Variants in ATXN3 observed in about 807,000 individuals in gnomAD.
ATXN3 encodes the protein ataxin 3, also known as ataxin-3.
Under a neutral mutation model 58.2 loss-of-function variants are expected in ATXN3, and 28 were observed. That is an observed-to-expected ratio of 0.48 (90% CI 0.36 to 0.66). The LOEUF is 0.66. Among genes scored for constraint, ATXN3 ranks in the 30% least tolerant of loss-of-function variants. ATXN3 has a pLI of 0.00. For missense variants in ATXN3, 321 were observed against 422.1 expected, an observed-to-expected ratio of 0.76 and a Z score of 2.10; for synonymous variants, 113 against 138.5, an observed-to-expected ratio of 0.82 and a Z score of 1.29.
At chr14:92,055,535 GC>G (rs1301630928), downstream of ATXN3, among the ~76,000 whole-genome samples, 2 of 152,028 alleles carry the variant, frequency 1.3e-5, no homozygotes, top group African/African-American at 4.8e-5. This position sits in a 1 kb window ranked among gnomAD's most constrained non-coding sequence, Gnocchi z 4.5. Flanking sequence ...CCATCCCCCG[GC>G]AACCACCATT....
chr14:92,087,303 T>C (rs56027550), intron 6 of ATXN3, among the ~76,000 whole-genome samples: 185 of 152,290 alleles, frequency 1.2e-3, no homozygotes, highest in African/African-American at 3.6e-3. Flanking sequence ...AGTAAAACCT[T>C]AGCTAGGTGT....
chr14:92,088,669 T>A, intron 6 of ATXN3, 61 bp downstream of exon 6: 1 of 1,175,496 alleles, frequency 8.5e-7, no homozygotes, highest in East Asian at 2.3e-5. Context: ...TGTCATCTAA[T>A]GTGCCTGGTT....
Position 92,062,811 on chromosome 14 carries a change from T to C in ATXN3, c.*1509A>G, listed in dbSNP as rs908856328. ...TTTTCAGTTAGTTAGCAATAAATCC[T>C]AGATCAAAAAACTTTCCCTGATAAA... On this transcript the variant is annotated 3_prime_UTR_variant, in exon 11 of 11. Transcript: ENST00000644486. 6.6e-6 allele frequency: 1 copy of C among 152,608 alleles called. No homozygotes were observed. Among genetic ancestry groups the C allele is most frequent in the Non-Finnish European group, 1.5e-5 (1 of 68,030 alleles). 9.5% of individuals were successfully genotyped at this position (152,608 alleles called of 1,614,324 possible).
intron 3 of ATXN3, among the ~76,000 whole-genome samples, chr14:92,094,136 T>C (rs577266060): frequency 6.6e-6 from 1 of 152,168 alleles, no homozygotes; most frequent in South Asian, 2.1e-4. Context: ...GAGACAGGGT[T>C]TCACCTTGTT....
At chr14:92,071,903 A>C (rs1340305060) in intron 9 of ATXN3, among the ~76,000 whole-genome samples, 1 of 152,132 alleles carries the variant, frequency 6.6e-6, no homozygotes, top group East Asian at 1.9e-4. Context: ...TCTCAGCATA[A>C]ACTTATCATC....
intron 10 of ATXN3, 120 bp downstream of exon 10, chr14:92,070,814 TA>T (rs761352592): frequency 1.3e-5 from 21 of 1,571,112 alleles, no homozygotes; most frequent in Non-Finnish European, 1.6e-5. Context: ...CAAATTTACT[TA>T]AGATTCTTAA....
chr14:92,073,969 C>A (rs2059896595), intron 9 of ATXN3, among the ~76,000 whole-genome samples: 1 of 144,010 alleles, frequency 6.9e-6, no homozygotes, highest in South Asian at 2.2e-4. Context: ...GCCAAGATTG[C>A]ACCACTGCAC....
rs141713202 is a variant in ATXN3, at chr14:92,097,204, C to T, written c.25-366G>A. 6.3e-3 allele frequency among the ~76,000 whole-genome samples: 939 copies of T among 149,422 alleles called. 14 individuals are homozygous for T. The highest frequency in any genetic ancestry group is 0.021 in the African/African-American group (866 of 40,504). The stretch of plus-strand genomic sequence containing the variant: ...GATTACAGGCGTGAGCCACTGCGCC[C>T]GGCTCCCCTAAATAATTTAATCATT... On this transcript the variant is annotated intron_variant, in intron 1 of 10. Transcript: ENST00000644486.
intron 8 of ATXN3, among the ~76,000 whole-genome samples, chr14:92,081,591 C>CA (rs763078352): frequency 4.0e-5 from 6 of 151,268 alleles, no homozygotes; most frequent in East Asian, 3.9e-4. Context: ...ATGGAGTACT[C>CA]AGAGGCATGC....
intron 9 of ATXN3, 172 bp downstream of exon 9, chr14:92,080,793 C>T (rs1221377914): frequency 4.8e-6 from 3 of 626,136 alleles, no homozygotes; most frequent in South Asian, 1.5e-5. Flanking sequence ...GCCTTGGCCT[C>T]CCAAACTGCT....
intron 9 of ATXN3, among the ~76,000 whole-genome samples, chr14:92,080,006 G>C (rs1437529562): frequency 6.6e-6 from 1 of 151,860 alleles, no homozygotes; most frequent in Admixed American, 6.6e-5. Context: ...CTAAAATGGT[G>C]GGATTACAGA....
chr14:92,054,348 T>C (rs552726806), downstream of ATXN3, among the ~76,000 whole-genome samples: 2 of 152,188 alleles, frequency 1.3e-5, no homozygotes, highest in South Asian at 4.1e-4. Context: ...CAACACAAAA[T>C]ACAGGTCATA....
At chr14:92,082,686 T>C (rs1447522317) in intron 7 of ATXN3, among the ~76,000 whole-genome samples, 2 of 148,014 alleles carry the variant, frequency 1.4e-5, no homozygotes, top group Non-Finnish European at 3.0e-5. Flanking sequence ...TCTGACTCTC[T>C]CGACCAGGCT....
chr14:92,069,643 A>T (rs560384740), intron 10 of ATXN3, among the ~76,000 whole-genome samples: 5 of 152,310 alleles, frequency 3.3e-5, no homozygotes, highest in Admixed American at 1.3e-4. Context: ...AAGTGCTGGG[A>T]TTATAGGCAT....
intron 1 of ATXN3, among the ~76,000 whole-genome samples, chr14:92,101,036 A>G (rs1167225864): frequency 1.2e-5 from 1 of 82,568 alleles, no homozygotes; most frequent in African/African-American, 4.4e-5. Flanking sequence ...TATAAAAAAT[A>G]GCTTTAAATT....
At chr14:92,089,323 C>T (rs10151932) in intron 5 of ATXN3, among the ~76,000 whole-genome samples, 40,692 of 140,880 alleles carry the variant, frequency 0.29, 6,148 homozygotes, top group East Asian at 0.45. Context: ...CTGGCCTCTG[C>T]TAAATACTCT....
At chr14:92,071,198 C>A in intron 9 of ATXN3, 145 bp from the exon 10 acceptor site, 1 of 1,236,532 alleles carries the variant, frequency 8.1e-7, no homozygotes. Context: ...AGCAGTTAGT[C>A]TGATACAGAT....
upstream of ATXN3, among the ~76,000 whole-genome samples, chr14:92,051,270 C>T (rs1009900957): frequency 6.6e-6 from 1 of 152,096 alleles, no homozygotes; most frequent in African/African-American, 2.4e-5. Context: ...ATTTTTCTAC[C>T]TTTTGTTCTT....
intron 9 of ATXN3, among the ~76,000 whole-genome samples, chr14:92,076,381 G>C (rs1362279965): frequency 6.6e-6 from 1 of 151,092 alleles, no homozygotes; most frequent in African/African-American, 2.4e-5. Context: ...CAGGGAGGTG[G>C]AGGTTGCAGT....
Sources: allele counts gnomAD v4.1 joint callset (sites outside exome capture counted in the v4.1 genomes callset), GRCh38; gene constraint gnomAD v4.1.1; non-coding constraint Gnocchi (gnomAD v3.1); transcripts MANE v1.5; gene names NCBI Gene and HGNC (gene_info 2026-07-23, HGNC 2026-07-21).